Variants in SUGCT observed in about 807,000 individuals in gnomAD.
SUGCT encodes succinyl-CoA:glutarate-CoA transferase.
In SUGCT, 41 loss-of-function variants were observed where a neutral mutation model predicts 55.0. That is an observed-to-expected ratio of 0.74 (90% CI 0.58 to 0.97). The LOEUF (loss-of-function observed/expected upper bound fraction) is 0.97, where lower values mean the gene tolerates loss of function less well. Ranked by LOEUF, SUGCT falls within the 50% of genes least tolerant of loss-of-function variation. SUGCT has a pLI of 0.00. For synonymous variants in SUGCT, 187 were observed against 200.4 expected (o/e 0.93, Z 0.56); for missense variants, 568 against 547.8 (o/e 1.04, Z -0.37).
chr7:40,651,401 G>C (rs1473224490), intron 12 of SUGCT, among the ~76,000 whole-genome samples: 1 of 149,342 alleles, frequency 6.7e-6, no homozygotes, highest in Non-Finnish European at 1.5e-5. Flanking sequence ...TTTGAGAAGT[G>C]TCTGTTCATG....
chr7:40,990,608 C>A, the SUGCT span, among the ~76,000 whole-genome samples: 3 of 152,230 alleles, frequency 2.0e-5, no homozygotes, highest in Non-Finnish European at 4.4e-5. Flanking sequence ...GCATTAACTT[C>A]TCCCTAGCTA....
At chr7:40,813,458 T>G (rs1365074409) in intron 13 of SUGCT, among the ~76,000 whole-genome samples, 1 of 152,226 alleles carries the variant, frequency 6.6e-6, no homozygotes, top group Non-Finnish European at 1.5e-5. Context: ...TTTATCATTA[T>G]GTAATGCCTG....
chr7:40,943,552 T>A, the SUGCT span, among the ~76,000 whole-genome samples: 2 of 150,158 alleles, frequency 1.3e-5, no homozygotes, highest in East Asian at 4.0e-4. Flanking sequence ...GTCCTTGCGA[T>A]AGTTTACTGA....
At chr7:40,295,406 T>C (rs1387818792) in intron 8 of SUGCT, among the ~76,000 whole-genome samples, 2 of 151,964 alleles carry the variant, frequency 1.3e-5, no homozygotes, top group African/African-American at 4.8e-5. Flanking sequence ...TGAAACCCCA[T>C]CTCTACTAAA....
chr7:40,914,542 C>A, the SUGCT span, among the ~76,000 whole-genome samples: 1 of 152,032 alleles, frequency 6.6e-6, no homozygotes, highest in Non-Finnish European at 1.5e-5. Context: ...GATCTTTACA[C>A]AGAAATCATT....
At chr7:40,679,713 C>T (rs1172992511) in intron 12 of SUGCT, among the ~76,000 whole-genome samples, 1 of 152,162 alleles carries the variant, frequency 6.6e-6, no homozygotes, top group Non-Finnish European at 1.5e-5. Flanking sequence ...AAAAAGCCCA[C>T]ATGTAGAAGG....
chr7:40,139,972 G>A (rs762209757), intron 1 of SUGCT, among the ~76,000 whole-genome samples: 2 of 150,666 alleles, frequency 1.3e-5, no homozygotes, highest in Non-Finnish European at 3.0e-5. Context: ...GCGCGATCTC[G>A]GCTCACTGCA....
intron 12 of SUGCT, among the ~76,000 whole-genome samples, chr7:40,511,462 C>T (rs1792926060): frequency 1.3e-5 from 2 of 152,170 alleles, no homozygotes; most frequent in African/African-American, 4.8e-5. Flanking sequence ...GAGAACATTA[C>T]TGGGTCACTT....
At chr7:40,672,667 A>G (rs764865833) in intron 12 of SUGCT, among the ~76,000 whole-genome samples, 1 of 152,196 alleles carries the variant, frequency 6.6e-6, no homozygotes, top group Non-Finnish European at 1.5e-5. Flanking sequence ...ATCAATGTCA[A>G]CATCCTCACT....
intron 10 of SUGCT, among the ~76,000 whole-genome samples, chr7:40,456,436 G>C (rs919917934): frequency 8.5e-5 from 13 of 152,226 alleles, no homozygotes; most frequent in Non-Finnish European, 1.8e-4. Flanking sequence ...GAGCTTGTCA[G>C]TTGAAGAATG....
At chr7:40,908,439 A>G in the SUGCT span, among the ~76,000 whole-genome samples, 1 of 151,984 alleles carries the variant, frequency 6.6e-6, no homozygotes, top group Admixed American at 6.6e-5. Context: ...AATCAAAGAC[A>G]TACAAATTAA....
At chr7:40,162,088 G>A (rs557169780) in intron 1 of SUGCT, among the ~76,000 whole-genome samples, 1 of 152,086 alleles carries the variant, frequency 6.6e-6, no homozygotes, top group East Asian at 1.9e-4. Context: ...AGTAGAGACG[G>A]GGTTTCACCA....
chr7:40,374,648 G>A (rs549035486), intron 9 of SUGCT, among the ~76,000 whole-genome samples: 44 of 152,128 alleles, frequency 2.9e-4, no homozygotes, highest in African/African-American at 1.0e-3. Context: ...TTTTCCAAAG[G>A]GTGTGAATTT....
intron 12 of SUGCT, among the ~76,000 whole-genome samples, chr7:40,664,026 A>T (rs1801473573): frequency 6.6e-6 from 1 of 152,186 alleles, no homozygotes; most frequent in Non-Finnish European, 1.5e-5. Context: ...AAATTTGGAC[A>T]CAGAGAATGC....
intron 9 of SUGCT, among the ~76,000 whole-genome samples, chr7:40,366,554 A>C (rs1460077161): frequency 6.6e-6 from 1 of 152,198 alleles, no homozygotes; most frequent in East Asian, 1.9e-4. Context: ...CAATAAAATC[A>C]AACAAATTTA....
rs1053157452 is a variant in SUGCT at position 40,529,149 on chromosome 7, T to C, written c.1089+32763T>C. Among the ~76,000 whole-genome samples the C allele has an allele frequency of 5.3e-5, 8 of 152,276 alleles. No individual in the cohort carries two copies. In the South Asian group the frequency reaches 6.2e-4, roughly 12 times the overall value. ...AAATTTGGCAGAACAGTGTTACTTCTCCATCCTGTCACCCTTAGGTGAGAT... is the reference window on the plus strand; with the variant it reads ...AAATTTGGCAGAACAGTGTTACTTCCCCATCCTGTCACCCTTAGGTGAGAT... On this transcript the variant is annotated intron_variant, in intron 12 of 13. Coordinates refer to ENST00000335693, the MANE Select transcript of SUGCT (RefSeq NM_001193313.2).
chr7:40,825,235 T>A (rs1190681926), intron 13 of SUGCT, among the ~76,000 whole-genome samples: 1 of 152,214 alleles, frequency 6.6e-6, no homozygotes, highest in African/African-American at 2.4e-5. Context: ...TCTTTCTGTA[T>A]GCCCAGAGGG....
At chr7:40,668,013 C>T (rs891685078) in intron 12 of SUGCT, among the ~76,000 whole-genome samples, 1 of 152,102 alleles carries the variant, frequency 6.6e-6, no homozygotes, top group African/African-American at 2.4e-5. Context: ...AAAATTAGAA[C>T]ATTATATAAT....
intron 8 of SUGCT, among the ~76,000 whole-genome samples, chr7:40,305,154 G>A (rs556518267): frequency 2.6e-5 from 4 of 152,174 alleles, no homozygotes; most frequent in Admixed American, 1.3e-4. Flanking sequence ...ATGTGGGGAA[G>A]GAACAAGTGG....
Sources: allele counts gnomAD v4.1 joint callset (sites outside exome capture counted in the v4.1 genomes callset), GRCh38; gene constraint gnomAD v4.1.1; transcripts MANE v1.5; gene names NCBI Gene and HGNC (gene_info 2026-07-23, HGNC 2026-07-21).